Variants in MAN1A1 observed in about 807,000 individuals in gnomAD.
MAN1A1 encodes the protein mannosyl-oligosaccharide 1,2-alpha-mannosidase IA.
In MAN1A1, 29 loss-of-function variants were observed where a neutral mutation model predicts 70.8. The ratio of observed to expected loss-of-function variants is 0.41; its 90% CI spans 0.31 to 0.56. The LOEUF (loss-of-function observed/expected upper bound fraction) is 0.56. MAN1A1 is among the 20% of genes least tolerant of loss of function. The probability of loss-of-function intolerance (pLI) is 0.29; values close to 1 mark genes in which losing one functional copy is unlikely to be tolerated. For missense variants in MAN1A1, 747 were observed against 841.3 expected (o/e 0.89, Z 1.39); for synonymous variants, 349 against 330.1 (o/e 1.06, Z -0.62).
In MAN1A1 at chr6:119,178,756, A is replaced by T. The variant is rs1362693202; in HGVS notation, c.*1063T>A. 1 of 152,132 alleles carries T rather than the reference A, an allele frequency of 6.6e-6. No individual in the cohort carries two copies. Among genetic ancestry groups the T allele is most frequent in the Non-Finnish European group, 1.5e-5 (1 of 67,976 alleles). The allele number at this position is 152,132 out of a possible 1,614,324, so 9.4% of individuals were successfully genotyped here. A position where few individuals can be genotyped will look rare whatever the true frequency, so the allele number is the denominator to read the frequency against. On this transcript the variant is annotated 3_prime_UTR_variant, in exon 13 of 13. Transcript: ENST00000368468. ...GATCACGAATAAGTAAAATTGGCAA[A>T]GCTTCTTTCAGAGTCAAATCCTGCT...
intron 3 of MAN1A1, among the ~76,000 whole-genome samples, chr6:119,302,418 G>A (rs1015937679): frequency 6.7e-6 from 1 of 149,508 alleles, no homozygotes; most frequent in Non-Finnish European, 1.5e-5. Flanking sequence ...GTCTCATTCT[G>A]TTGCCCAGGC....
chr6:119,197,531 A>G lies in MAN1A1; in HGVS notation c.1211-3639T>C, dbSNP rs78180080. Among the ~76,000 whole-genome samples, 855 of 152,230 alleles carry G rather than the reference A, an allele frequency of 5.6e-3. 27 individuals carry two copies. The East Asian group carries it at 0.081, about 14-fold the overall frequency. ...AAGGTTTGTGATAGGAAAGCACTCAAAGCGCTGGGGCAGGGAAAGAATAGA... is the reference window on the plus strand; with the variant it reads ...AAGGTTTGTGATAGGAAAGCACTCAGAGCGCTGGGGCAGGGAAAGAATAGA... On this transcript the variant is annotated intron_variant, in intron 8 of 12. Coordinates refer to ENST00000368468, the MANE Select transcript of MAN1A1 (RefSeq NM_005907.4).
chr6:119,298,018 T>C (rs1431153912), intron 4 of MAN1A1, among the ~76,000 whole-genome samples: 1 of 152,156 alleles, frequency 6.6e-6, no homozygotes, highest in Non-Finnish European at 1.5e-5. Context: ...GTTCTCTGAC[T>C]ACTTTTCCTG....
chr6:119,290,665 T>A lies in MAN1A1; in HGVS notation c.897+18A>T, dbSNP rs964681526. 8 of 1,577,828 alleles carry A rather than the reference T, an allele frequency of 5.1e-6. No individual in the cohort carries two copies. Among genetic ancestry groups the A allele is most frequent in the African/African-American group, 2.7e-5 (2 of 73,648 alleles). The stretch of plus-strand genomic sequence containing the variant: ...AGACACTTTATAATTCACATTTATA[T>A]ACCACTTTTCATCTTACCTCTTCTC... On this transcript the variant is annotated intron_variant, in intron 5 of 12. Coordinates refer to ENST00000368468, the MANE Select transcript of MAN1A1 (RefSeq NM_005907.4).
chr6:119,261,915 G>C (rs948198010), intron 5 of MAN1A1, among the ~76,000 whole-genome samples: 2 of 152,228 alleles, frequency 1.3e-5, no homozygotes, highest in African/African-American at 4.8e-5. Context: ...GAAAGAGTGA[G>C]ATAGCAGCAT....
intron 2 of MAN1A1, among the ~76,000 whole-genome samples, chr6:119,318,314 G>A (rs963877274): frequency 2.6e-5 from 4 of 152,156 alleles, no homozygotes; most frequent in African/African-American, 9.7e-5. Context: ...TCCCCAGAGA[G>A]AGTCCCATTG....
At chr6:119,201,372 C>T (rs372446467) in intron 7 of MAN1A1, 25 bp from the exon 8 acceptor site, 18 of 1,527,722 alleles carry the variant, frequency 1.2e-5, no homozygotes, top group South Asian at 5.7e-5. Flanking sequence ...AAAATGTTAC[C>T]GTGAAAATCT....
chr6:119,280,030 T>C (rs1263638170), intron 5 of MAN1A1, among the ~76,000 whole-genome samples: 1 of 152,236 alleles, frequency 6.6e-6, no homozygotes, highest in Non-Finnish European at 1.5e-5. Flanking sequence ...TGTCACATTC[T>C]ACTAGTTTCC....
At chr6:119,327,112 C>CT (rs1773166237) in intron 2 of MAN1A1, among the ~76,000 whole-genome samples, 1 of 151,740 alleles carries the variant, frequency 6.6e-6, no homozygotes, top group African/African-American at 2.4e-5. Flanking sequence ...TTAAGTTGCC[C>CT]TTAAAGAGCA....
intron 6 of MAN1A1, among the ~76,000 whole-genome samples, chr6:119,219,590 TTTTG>T (rs1003290662): frequency 2.0e-5 from 3 of 147,312 alleles, no homozygotes; most frequent in Non-Finnish European, 4.5e-5. Context: ...AGAGATCTGT[TTTTG>T]TTTTTTTTTC....
intron 4 of MAN1A1, among the ~76,000 whole-genome samples, chr6:119,301,071 C>T (rs1772377546): frequency 6.6e-6 from 1 of 152,190 alleles, no homozygotes. Flanking sequence ...TGTCCACTTT[C>T]AACACACAGC....
chr6:119,278,624 A>T (rs921527934), intron 5 of MAN1A1, among the ~76,000 whole-genome samples: 3 of 152,074 alleles, frequency 2.0e-5, no homozygotes, highest in African/African-American at 7.3e-5. Flanking sequence ...GTGATAATAG[A>T]TATCTGTCCC....
intron 11 of MAN1A1, among the ~76,000 whole-genome samples, chr6:119,184,775 G>A (rs1773241997): frequency 6.6e-6 from 1 of 151,932 alleles, no homozygotes; most frequent in South Asian, 2.1e-4. Flanking sequence ...CTTTACCATA[G>A]ATCAGCTGAG....
At chr6:119,309,721 T>C (rs1772649267) in intron 2 of MAN1A1, among the ~76,000 whole-genome samples, 1 of 152,166 alleles carries the variant, frequency 6.6e-6, no homozygotes, top group South Asian at 2.1e-4. Context: ...TGGTGAAAGG[T>C]AGAGCTGACA....
intron 5 of MAN1A1, among the ~76,000 whole-genome samples, chr6:119,258,513 C>T (rs1299270868): frequency 1.3e-5 from 2 of 152,098 alleles, no homozygotes; most frequent in African/African-American, 4.8e-5. Context: ...AGGATGTACT[C>T]ATGTTATATG....
chr6:119,238,752 T>C (rs1230554211), intron 6 of MAN1A1, among the ~76,000 whole-genome samples: 2 of 152,184 alleles, frequency 1.3e-5, no homozygotes, highest in Non-Finnish European at 2.9e-5. Context: ...GTACAAATGT[T>C]CCATAAAAAC....
chr6:119,301,136 A>G (rs1772379324), intron 4 of MAN1A1, among the ~76,000 whole-genome samples: 1 of 152,224 alleles, frequency 6.6e-6, no homozygotes, highest in African/African-American at 2.4e-5. Context: ...TGCTTACCCG[A>G]AAGACAAGAG....
At chr6:119,330,585 A>G (rs901035270) in intron 2 of MAN1A1, among the ~76,000 whole-genome samples, 4 of 152,084 alleles carry the variant, frequency 2.6e-5, no homozygotes, top group African/African-American at 9.7e-5. Flanking sequence ...CAGATTTGAT[A>G]TTATTTCTGC....
chr6:119,327,238 C>T (rs1351813936), intron 2 of MAN1A1: 1 of 152,172 alleles, frequency 6.6e-6, no homozygotes, highest in South Asian at 2.1e-4. Context: ...TTCAGCTGAA[C>T]AGGACTCCAT....
Sources: allele counts gnomAD v4.1 joint callset (sites outside exome capture counted in the v4.1 genomes callset), GRCh38; gene constraint gnomAD v4.1.1; transcripts MANE v1.5; gene names NCBI Gene and HGNC (gene_info 2026-07-23, HGNC 2026-07-21).